Variants in HERC3 observed in about 807,000 individuals in gnomAD.
The protein encoded by HERC3 is probable E3 ubiquitin-protein ligase HERC3.
HERC3 carries 58 observed loss-of-function variants against 129.9 expected under a neutral mutation model. The ratio of observed to expected loss-of-function variants is 0.45; its 90% confidence interval spans 0.36 to 0.56. HERC3 has a LOEUF of 0.56. HERC3 is among the 20% of genes least tolerant of loss of function. The pLI, the probability that HERC3 is intolerant of heterozygous loss-of-function variation, is 0.00. For missense variants in HERC3, 835 were observed against 1,244.2 expected, an observed-to-expected ratio of 0.67 and a Z score of 4.95; for synonymous variants, 430 against 451.0, an observed-to-expected ratio of 0.95 and a Z score of 0.59.
chr4:88,584,228 C>T, the HERC3 span, among the ~76,000 whole-genome samples: 1 of 152,160 alleles, frequency 6.6e-6, no homozygotes, highest in Non-Finnish European at 1.5e-5. Context: ...ATGCATTACT[C>T]ATCTTAACCA....
At chr4:88,647,086 G>C (rs184709121) in intron 3 of HERC3, among the ~76,000 whole-genome samples, 1 of 152,166 alleles carries the variant, frequency 6.6e-6, no homozygotes, top group Admixed American at 6.5e-5. Flanking sequence ...GCTCAGGTGC[G>C]GCTGGTGAGT....
Position 88,706,984 on chromosome 4 carries a change from T to G in HERC3, c.*24T>G, listed in dbSNP as rs1735840583. ...GAGGCTTCTCAGCTTGTCCAGTATT[T>G]CCCTTCGTTCCTCAGTGTCCACATT... On this transcript the variant is annotated 3_prime_UTR_variant, in exon 26 of 26. Transcript: ENST00000402738. 2 of 1,574,704 alleles carry G rather than the reference T, an allele frequency of 1.3e-6. No homozygotes were observed. Among genetic ancestry groups the G allele is most frequent in the Non-Finnish European group, 1.7e-6 (2 of 1,144,222 alleles).
intron 7 of HERC3, 121 bp downstream of exon 7, chr4:88,654,254 C>G: frequency 1.8e-6 from 1 of 570,498 alleles, no homozygotes; most frequent in Non-Finnish European, 3.0e-6. Flanking sequence ...CTTGAATGCT[C>G]TCTTTTATGT....
At chr4:88,634,343 G>C (rs1162104189) in intron 3 of HERC3, among the ~76,000 whole-genome samples, 1 of 152,158 alleles carries the variant, frequency 6.6e-6, no homozygotes, top group Non-Finnish European at 1.5e-5. Flanking sequence ...CAGGGGAAGG[G>C]GCAGCCACCA....
chr4:88,562,735 T>G, the HERC3 span, among the ~76,000 whole-genome samples: 1 of 152,316 alleles, frequency 6.6e-6, no homozygotes, highest in Non-Finnish European at 1.5e-5. Flanking sequence ...TCCAGTTTTC[T>G]CAGCACCATT....
chr4:88,688,317 C>A (rs1344839443), intron 23 of HERC3, among the ~76,000 whole-genome samples: 1 of 152,128 alleles, frequency 6.6e-6, no homozygotes, highest in Non-Finnish European at 1.5e-5. Context: ...TTATCAAGGC[C>A]TTGAACGGCG....
the HERC3 span, among the ~76,000 whole-genome samples, chr4:88,571,017 C>CA: frequency 1.3e-5 from 2 of 152,090 alleles, no homozygotes; most frequent in African/African-American, 4.8e-5. Flanking sequence ...CTCAGCCTCC[C>CA]AAAATGCTGG....
intron 23 of HERC3, among the ~76,000 whole-genome samples, chr4:88,687,697 T>C (rs1320295406): frequency 6.6e-6 from 1 of 152,226 alleles, no homozygotes; most frequent in African/African-American, 2.4e-5. Context: ...GCACAGAGTT[T>C]CTAGTATCTA....
chr4:88,524,838 C>G, the HERC3 span: 1 of 152,058 alleles, frequency 6.6e-6, no homozygotes, highest in Admixed American at 6.6e-5. Flanking sequence ...GAATATCAAC[C>G]TGAACTTTTT....
intron 11 of HERC3, among the ~76,000 whole-genome samples, chr4:88,663,000 G>GAAA (rs74872768): frequency 7.9e-6 from 1 of 127,342 alleles, no homozygotes. Context: ...GAGTCATGTA[G>GAAA]AAAAAAAAAA....
intron 2 of HERC3, among the ~76,000 whole-genome samples, chr4:88,596,402 T>C (rs1324143115): frequency 6.6e-6 from 1 of 152,210 alleles, no homozygotes; most frequent in African/African-American, 2.4e-5. Flanking sequence ...TGGGGGATCT[T>C]TAACATTATC....
chr4:88,558,751 C>T, the HERC3 span, among the ~76,000 whole-genome samples: 1 of 151,562 alleles, frequency 6.6e-6, no homozygotes, highest in Non-Finnish European at 1.5e-5. Context: ...ATCACGAGGT[C>T]AGGAGATCGA....
chr4:88,678,224 G>A (rs1732375257), intron 19 of HERC3, 90 bp downstream of exon 19: 3 of 1,147,472 alleles, frequency 2.6e-6, no homozygotes, highest in Non-Finnish European at 3.8e-6. Flanking sequence ...TTAAAATTGT[G>A]GGGTGCAGCC....
intron 2 of HERC3, 88 bp from the exon 3 acceptor site, chr4:88,605,707 A>G: frequency 1.4e-6 from 1 of 700,900 alleles, no homozygotes; most frequent in Non-Finnish European, 2.4e-6. Context: ...GGGGAGGGTT[A>G]TTTTTAAAAT....
At chr4:88,599,996 C>CT (rs1005090270) in intron 2 of HERC3, among the ~76,000 whole-genome samples, 4 of 152,022 alleles carry the variant, frequency 2.6e-5, no homozygotes, top group Admixed American at 1.3e-4. Flanking sequence ...TTTACTTCAT[C>CT]TTTTTTTTGT....
At chr4:88,535,385 G>A in the HERC3 span, among the ~76,000 whole-genome samples, 1 of 152,180 alleles carries the variant, frequency 6.6e-6, no homozygotes, top group Non-Finnish European at 1.5e-5. Context: ...TTATTTTAAT[G>A]TAAAGATCTT....
intron 3 of HERC3, among the ~76,000 whole-genome samples, chr4:88,645,579 C>A (rs949939377): frequency 1.3e-5 from 2 of 151,776 alleles, no homozygotes; most frequent in East Asian, 1.9e-4. Context: ...TGGATAGTAC[C>A]AAATTCTATA....
At position 88,704,922 on chromosome 4, in the gene HERC3, G is replaced by A. The variant is rs146147122; in HGVS notation, c.2944+312G>A. ...GCTGCCCAGGCTGGAGTGCAGTGGCGTGATCTCAGCTCACTGCAACCTCCG... is the reference window on the plus strand; with the variant it reads ...GCTGCCCAGGCTGGAGTGCAGTGGCATGATCTCAGCTCACTGCAACCTCCG... On this transcript the variant is annotated intron_variant, in intron 25 of 25. Transcript: ENST00000402738. Among the ~76,000 whole-genome samples the A allele has an allele frequency of 5.3e-3, 792 of 149,672 alleles. 4 individuals carry two copies. Among genetic ancestry groups the A allele is most frequent in the African/African-American group, 0.018 (721 of 40,366 alleles).
chr4:88,547,439 C>T, the HERC3 span, among the ~76,000 whole-genome samples: 1 of 152,164 alleles, frequency 6.6e-6, no homozygotes, highest in African/African-American at 2.4e-5. Flanking sequence ...ACAGTTATCA[C>T]TAAGACTCAT....
Sources: gnomAD v4.1 joint callset for allele counts (sites outside exome capture counted in the v4.1 genomes callset) on GRCh38, gnomAD v4.1.1 for gene constraint, MANE v1.5 for transcripts, NCBI Gene and HGNC (gene_info 2026-07-23, HGNC 2026-07-21) for gene names.